The following ZNF804A variants were observed in gnomAD, a reference collection of about 807,000 sequenced individuals.
The protein encoded by ZNF804A is zinc finger protein 804A.
A neutral mutation model predicts 16.5 loss-of-function variants in ZNF804A; 2 were observed. The observed-to-expected ratio is 0.12, with a 90% CI of 0.05 to 0.38. The LOEUF (loss-of-function observed/expected upper bound fraction) is 0.38, where lower values mean the gene tolerates loss of function less well. Ranked by LOEUF, ZNF804A falls within the 10% of genes least tolerant of loss-of-function variation. ZNF804A has a pLI of 0.99. For missense variants in ZNF804A, 1,473 were observed against 1,390.7 expected (o/e 1.06, Z -0.94); for synonymous variants, 534 against 489.6 (o/e 1.09, Z -1.20).
intron 1 of ZNF804A, among the ~76,000 whole-genome samples, chr2:184,680,236 G>A (rs1167417413): frequency 6.6e-6 from 1 of 151,810 alleles, no homozygotes; most frequent in Non-Finnish European, 1.5e-5. Flanking sequence ...TACCTGCGGA[G>A]AAGAGCTACC....
intron 1 of ZNF804A, among the ~76,000 whole-genome samples, chr2:184,807,078 CT>C (rs1281247183): frequency 6.6e-6 from 1 of 151,278 alleles, no homozygotes; most frequent in Non-Finnish European, 1.5e-5. Flanking sequence ...TTGGCATAGT[CT>C]TTACCTTGAA....
intron 2 of ZNF804A, among the ~76,000 whole-genome samples, chr2:184,884,249 G>A (rs1275587369): frequency 1.3e-5 from 2 of 152,022 alleles, no homozygotes; most frequent in African/African-American, 4.8e-5. Flanking sequence ...TAACCAGGGA[G>A]GTGAAAGATC....
At chr2:184,836,688 T>G (rs1695351356) in intron 1 of ZNF804A, among the ~76,000 whole-genome samples, 1 of 148,696 alleles carries the variant, frequency 6.7e-6, no homozygotes, top group Non-Finnish European at 1.5e-5. Context: ...TGTGTGTATA[T>G]ATATATATAT....
intron 1 of ZNF804A, among the ~76,000 whole-genome samples, chr2:184,599,620 C>T (rs996938845): frequency 7.2e-5 from 11 of 152,204 alleles, no homozygotes; most frequent in African/African-American, 2.4e-4. Context: ...ACTCTAGAAC[C>T]TTATGCTGTC....
Position 184,938,954 on chromosome 2 carries a change from T to C in ZNF804A, c.3558T>C (p.Ser1186=). ...VLHPSHLAFP[S]LPHALFPSLL... ...ATCCTAGCCATCTGGCTTTCCCATC[T>C]TTACCCCATGCACTCTTTCCTTCAC... is the stretch of plus-strand genomic sequence containing the variant. Residue 1186 remains serine (S), a synonymous_variant, in exon 4 of 4, where the codon TCT becomes TCC. Coordinates refer to ENST00000302277, the MANE Select transcript of ZNF804A (RefSeq NM_194250.2). 2 of 1,613,576 alleles carry C rather than the reference T, an allele frequency of 1.2e-6. No individual in the cohort carries two copies. Among genetic ancestry groups the C allele is most frequent in the Non-Finnish European group, 1.7e-6 (2 of 1,179,872 alleles).
chr2:184,792,938 C>A (rs938964224), intron 1 of ZNF804A, among the ~76,000 whole-genome samples: 1 of 152,056 alleles, frequency 6.6e-6, no homozygotes, highest in African/African-American at 2.4e-5. Context: ...CCCACCACCC[C>A]CTAGCAGTCC....
intron 1 of ZNF804A, among the ~76,000 whole-genome samples, chr2:184,842,548 T>C (rs1695454050): frequency 6.6e-6 from 1 of 152,044 alleles, no homozygotes; most frequent in Non-Finnish European, 1.5e-5. Context: ...TTTATGATTT[T>C]AGGAAATAGT....
At chr2:184,651,912 C>T (rs527622893) in intron 1 of ZNF804A, among the ~76,000 whole-genome samples, 25 of 152,018 alleles carry the variant, frequency 1.6e-4, no homozygotes, top group Non-Finnish European at 2.8e-4. Flanking sequence ...AACAGAGCTA[C>T]GGTTCGACTC....
intron 1 of ZNF804A, 29 bp from the exon 2 acceptor site, chr2:184,866,340 G>C (rs892591164): frequency 1.2e-6 from 2 of 1,610,066 alleles, no homozygotes; most frequent in African/African-American, 2.7e-5. Context: ...AGAGCTAATT[G>C]TATCCTTCCT....
At chr2:184,692,265 T>C (rs1247998344) in intron 1 of ZNF804A, among the ~76,000 whole-genome samples, 4 of 152,170 alleles carry the variant, frequency 2.6e-5, no homozygotes, top group Non-Finnish European at 5.9e-5. Context: ...ACTTAGATTT[T>C]ATTAGAAAAA....
chr2:184,837,015 C>T (rs1695360812), intron 1 of ZNF804A, among the ~76,000 whole-genome samples: 1 of 151,852 alleles, frequency 6.6e-6, no homozygotes, highest in East Asian at 1.9e-4. Context: ...TCACACATTG[C>T]TTTTCTTGGA....
At chr2:184,754,293 A>G (rs533020972) in intron 1 of ZNF804A, among the ~76,000 whole-genome samples, 1 of 152,068 alleles carries the variant, frequency 6.6e-6, no homozygotes, top group East Asian at 1.9e-4. Context: ...AATAAATTGT[A>G]TTCCCTTATA....
chr2:184,785,744 A>T (rs1373972748), intron 1 of ZNF804A, among the ~76,000 whole-genome samples: 2 of 152,060 alleles, frequency 1.3e-5, no homozygotes, highest in Non-Finnish European at 2.9e-5. Flanking sequence ...CTTCTGATGT[A>T]TTAAACATAG....
At chr2:184,716,336 A>C (rs1245943254) in intron 1 of ZNF804A, among the ~76,000 whole-genome samples, 2 of 151,982 alleles carry the variant, frequency 1.3e-5, no homozygotes, top group Non-Finnish European at 2.9e-5. Flanking sequence ...GTTTTATCTA[A>C]TATTTTGATA....
At chr2:184,911,766 A>G (rs1171595599) in intron 2 of ZNF804A, among the ~76,000 whole-genome samples, 1 of 151,872 alleles carries the variant, frequency 6.6e-6, no homozygotes, top group Admixed American at 6.6e-5. Flanking sequence ...TCTCAGCTTG[A>G]ATGTTTATTC....
intron 2 of ZNF804A, among the ~76,000 whole-genome samples, chr2:184,898,055 C>T (rs1279390125): frequency 6.6e-6 from 1 of 152,094 alleles, no homozygotes; most frequent in Non-Finnish European, 1.5e-5. Flanking sequence ...TTAAAGAGTT[C>T]ATTGTATATT....
chr2:184,672,095 T>G (rs1173663013), intron 1 of ZNF804A, among the ~76,000 whole-genome samples: 2 of 152,172 alleles, frequency 1.3e-5, no homozygotes, highest in South Asian at 4.1e-4. Flanking sequence ...AGACACTGTT[T>G]GAAGGAGTGA....
intron 1 of ZNF804A, among the ~76,000 whole-genome samples, chr2:184,685,328 G>T (rs373279520): frequency 6.6e-6 from 1 of 152,018 alleles, no homozygotes; most frequent in Admixed American, 6.6e-5. Context: ...TGTCACAGCC[G>T]TGGCTCAGAG....
chr2:184,819,643 A>C (rs113353149), intron 1 of ZNF804A, among the ~76,000 whole-genome samples: 1 of 151,912 alleles, frequency 6.6e-6, no homozygotes, highest in African/African-American at 2.4e-5. Context: ...TGTTTTTAAA[A>C]AAAAAAATTT....
Sources: allele counts gnomAD v4.1 joint callset (sites outside exome capture counted in the v4.1 genomes callset), GRCh38; gene constraint gnomAD v4.1.1; transcripts MANE v1.5; gene names NCBI Gene and HGNC (gene_info 2026-07-23, HGNC 2026-07-21).